The following GALNT2 variants were observed in gnomAD, a reference collection of about 807,000 sequenced individuals.
GALNT2 encodes the protein polypeptide N-acetylgalactosaminyltransferase 2, also known as UDP-GalNAc:polypeptide N-acetylgalactosaminyltransferase 2.
A neutral mutation model predicts 81.4 loss-of-function variants in GALNT2; 31 were observed. The ratio of observed to expected loss-of-function variants is 0.38; its 90% CI spans 0.29 to 0.51. The LOEUF (loss-of-function observed/expected upper bound fraction) is 0.51, where lower values mean the gene tolerates loss of function less well. GALNT2 is among the 20% of genes least tolerant of loss of function. The pLI is 0.87. For missense variants in GALNT2, 629 were observed against 765.7 expected, an observed-to-expected ratio of 0.82 and a Z score of 2.11; for synonymous variants, 303 against 287.4, an observed-to-expected ratio of 1.05 and a Z score of -0.55.
At chr1:230,157,315 G>GA (rs1354540181) in intron 1 of GALNT2, among the ~76,000 whole-genome samples, 1 of 152,078 alleles carries the variant, frequency 6.6e-6, no homozygotes, top group Non-Finnish European at 1.5e-5. Flanking sequence ...TGGCTTTGGG[G>GA]GGAAAAAAAG....
At chr1:230,119,225 T>TC (rs1660938656) in intron 1 of GALNT2, among the ~76,000 whole-genome samples, 1 of 152,244 alleles carries the variant, frequency 6.6e-6, no homozygotes, top group East Asian at 1.9e-4. Context: ...TTTTCTTTTT[T>TC]CCCTCTGCTT....
intron 1 of GALNT2, among the ~76,000 whole-genome samples, chr1:230,109,411 TCA>T: frequency 6.6e-6 from 1 of 152,248 alleles, no homozygotes; most frequent in East Asian, 1.9e-4. Flanking sequence ...GGCAGCCCTG[TCA>T]CACGAACAGG....
chr1:230,114,871 A>G lies in GALNT2; in HGVS notation c.126+47465A>G, dbSNP rs370334340. On this transcript the variant is annotated intron_variant, in intron 1 of 15. Transcript: ENST00000366672. ...CACAGCAAAATTGAGCAGAAGGTAC[A>G]GAGAGTGCCTGTATACCTGCTACCC... Among the ~76,000 whole-genome samples the G allele has an allele frequency of 3.3e-5, 5 of 152,178 alleles. No homozygotes were observed. In the South Asian group the frequency reaches 8.3e-4, roughly 25 times the overall value.
At chr1:230,105,980 T>G (rs1268118746) in intron 1 of GALNT2, among the ~76,000 whole-genome samples, 1 of 152,186 alleles carries the variant, frequency 6.6e-6, no homozygotes, top group African/African-American at 2.4e-5. Flanking sequence ...CCATAGTGAT[T>G]GTAGTAATTC....
chr1:230,114,286 A>C (rs534785195), intron 1 of GALNT2, among the ~76,000 whole-genome samples: 2 of 152,218 alleles, frequency 1.3e-5, no homozygotes, highest in South Asian at 2.1e-4. Flanking sequence ...GCTGTCCCCC[A>C]GTAGCTTCCG....
upstream of GALNT2, among the ~76,000 whole-genome samples, chr1:230,063,652 G>A (rs908553489): frequency 1.3e-5 from 2 of 152,050 alleles, no homozygotes; most frequent in East Asian, 3.9e-4. Flanking sequence ...ATCATACATC[G>A]CTTATTCCAT....
chr1:230,151,571 C>T (rs1270854407), intron 1 of GALNT2, among the ~76,000 whole-genome samples: 1 of 152,336 alleles, frequency 6.6e-6, no homozygotes, highest in African/African-American at 2.4e-5. Flanking sequence ...CTCTCTACAG[C>T]AGTGCCTTCT....
intron 1 of GALNT2, among the ~76,000 whole-genome samples, chr1:230,174,197 T>A (rs1662884417): frequency 6.6e-6 from 1 of 152,196 alleles, no homozygotes; most frequent in Non-Finnish European, 1.5e-5. Context: ...CCACTGCCAT[T>A]GGCAGAGGCG....
At chr1:230,110,004 C>T (rs911098260) in intron 1 of GALNT2, among the ~76,000 whole-genome samples, 1 of 152,200 alleles carries the variant, frequency 6.6e-6, no homozygotes, top group Non-Finnish European at 1.5e-5. Flanking sequence ...GTGAAACAGA[C>T]CTGGTGTACA....
chr1:230,207,463 T>C (rs1664097941), intron 3 of GALNT2, among the ~76,000 whole-genome samples: 1 of 152,204 alleles, frequency 6.6e-6, no homozygotes, highest in South Asian at 2.1e-4. Flanking sequence ...TAGATGTATA[T>C]ATTGTACCAA....
In GALNT2 at chr1:230,132,692, T is replaced by C. The variant is rs189403855; in HGVS notation, c.127-45526T>C. 6.7e-3 allele frequency among the ~76,000 whole-genome samples: 1,023 copies of C among 152,350 alleles called. 18 individuals carry two copies. The highest frequency in any genetic ancestry group is 0.022 in the African/African-American group (927 of 41,574). On this transcript the variant is annotated intron_variant, in intron 1 of 15. Coordinates refer to ENST00000366672, the MANE Select transcript of GALNT2 (RefSeq NM_004481.5). The stretch of plus-strand genomic sequence containing the variant: ...TCTTGAAGCAGGTACAAACCAGTGG[T>C]TGAAAGAATTAAAACAGCCATTTAA...
intron 9 of GALNT2, 75 bp downstream of exon 9, chr1:230,249,346 C>T (rs954779008): frequency 6.0e-5 from 79 of 1,324,926 alleles, no homozygotes; most frequent in Admixed American, 1.1e-4. Flanking sequence ...GGGCCCGCAC[C>T]GCCTGGAGAC....
intron 11 of GALNT2, 82 bp from the exon 12 acceptor site, chr1:230,262,491 C>T: frequency 8.1e-7 from 1 of 1,229,586 alleles, no homozygotes; most frequent in Non-Finnish European, 1.2e-6. Flanking sequence ...CCGCCTCAGT[C>T]ACACGCCAGC....
At chr1:230,274,688 T>C in intron 15 of GALNT2, 124 bp downstream of exon 15, 2 of 1,177,612 alleles carry the variant, frequency 1.7e-6, no homozygotes, top group Admixed American at 3.0e-5. Context: ...ATGTGTTCTT[T>C]TGCATCACTG....
chr1:230,185,301 T>TGTGTGCGCGCGCGC (rs58770415), intron 2 of GALNT2, among the ~76,000 whole-genome samples: 10 of 126,122 alleles, frequency 7.9e-5, no homozygotes, highest in East Asian at 5.7e-4. Flanking sequence ...TGTGTGTGTG[T>TGTGTGCGCGCGCGC]GCGCGCGTGT....
intron 1 of GALNT2, among the ~76,000 whole-genome samples, chr1:230,136,235 G>A (rs1471202797): frequency 6.6e-6 from 1 of 152,020 alleles, no homozygotes; most frequent in Non-Finnish European, 1.5e-5. Flanking sequence ...AACTATGATC[G>A]AACCTGCACG....
intron 1 of GALNT2, among the ~76,000 whole-genome samples, chr1:230,121,110 A>G (rs1322600057): frequency 1.3e-5 from 2 of 152,188 alleles, no homozygotes; most frequent in Admixed American, 6.5e-5. Flanking sequence ...GTTTAACGCA[A>G]TGATCTCCAG....
chr1:230,204,082 A>ATCC (rs1663987277), intron 3 of GALNT2, among the ~76,000 whole-genome samples: 1 of 151,882 alleles, frequency 6.6e-6, no homozygotes, highest in Non-Finnish European at 1.5e-5. Flanking sequence ...GCCTTAAGTG[A>ATCC]TCCTCCCGCC....
At chr1:230,241,380 A>G (rs1016097276) in intron 6 of GALNT2, among the ~76,000 whole-genome samples, 4 of 151,276 alleles carry the variant, frequency 2.6e-5, no homozygotes, top group African/African-American at 9.7e-5. Flanking sequence ...TTACCAGATG[A>G]TGATGCTGAA....
Sources: gnomAD v4.1 joint callset for allele counts (sites outside exome capture counted in the v4.1 genomes callset) on GRCh38, gnomAD v4.1.1 for gene constraint, MANE v1.5 for transcripts, NCBI Gene and HGNC (gene_info 2026-07-23, HGNC 2026-07-21) for gene names.